GRIK4: variants seen among roughly 807,000 people sequenced by gnomAD.
The protein encoded by GRIK4 is glutamate ionotropic receptor kainate type subunit 4, also known as glutamate receptor ionotropic, kainate 4.
GRIK4 carries 40 observed loss-of-function variants against 104.9 expected under a neutral mutation model. The observed-to-expected ratio is 0.38, with a 90% confidence interval of 0.30 to 0.50. GRIK4 has a LOEUF of 0.50. GRIK4 is among the 20% of genes least tolerant of loss of function. The pLI is 0.93. For missense variants in GRIK4, 1,047 were observed against 1,308.1 expected, an observed-to-expected ratio of 0.80 and a Z score of 3.08; for synonymous variants, 485 against 524.9, an observed-to-expected ratio of 0.92 and a Z score of 1.04.
chr11:120,522,519 C>T (rs1008525920), intron 1 of GRIK4, among the ~76,000 whole-genome samples: 1 of 152,074 alleles, frequency 6.6e-6, no homozygotes, highest in African/African-American at 2.4e-5. Context: ...CAGGGTTTCA[C>T]CATGTTGGCC....
At chr11:120,598,592 T>G (rs1364516078) in intron 1 of GRIK4, among the ~76,000 whole-genome samples, 2 of 152,238 alleles carry the variant, frequency 1.3e-5, no homozygotes, top group East Asian at 3.8e-4. Flanking sequence ...GCTCTGTGTT[T>G]GGCTAGATGG....
chr11:120,773,627 T>C (rs918033259), intron 3 of GRIK4, among the ~76,000 whole-genome samples: 3 of 152,158 alleles, frequency 2.0e-5, no homozygotes, highest in Admixed American at 2.0e-4. Context: ...CTTGGAACTG[T>C]GTTAGGCGAG....
At chr11:120,869,286 G>A (rs1954527854) in intron 9 of GRIK4, 1 of 152,448 alleles carries the variant, frequency 6.6e-6, no homozygotes. Flanking sequence ...GGTTTAGAAA[G>A]GGTCAGCTCT....
chr11:120,581,259 A>C (rs1591711516), intron 1 of GRIK4, among the ~76,000 whole-genome samples: 1 of 152,222 alleles, frequency 6.6e-6, no homozygotes. Flanking sequence ...GACCAAGTAT[A>C]CTTATGAAAA....
At chr11:120,920,527 G>T (rs1162676179) in intron 13 of GRIK4, among the ~76,000 whole-genome samples, 3 of 152,154 alleles carry the variant, frequency 2.0e-5, no homozygotes, top group Non-Finnish European at 4.4e-5. Context: ...AACACAGAGT[G>T]CACATGTGTC....
chr11:120,818,182 G>A (rs1953010262), intron 5 of GRIK4, among the ~76,000 whole-genome samples: 1 of 152,206 alleles, frequency 6.6e-6, no homozygotes, highest in Non-Finnish European at 1.5e-5. Flanking sequence ...GTGCTAAGGG[G>A]TTGTGCTCTA....
At chr11:120,924,638 C>G (rs950914144) in intron 13 of GRIK4, among the ~76,000 whole-genome samples, 2 of 152,062 alleles carry the variant, frequency 1.3e-5, no homozygotes, top group Admixed American at 1.3e-4. Flanking sequence ...AACCATTATT[C>G]CAAATTTAAC....
intron 3 of GRIK4, among the ~76,000 whole-genome samples, chr11:120,666,088 T>C (rs889434818): frequency 1.3e-5 from 2 of 152,244 alleles, no homozygotes; most frequent in Non-Finnish European, 2.9e-5. Context: ...AATTGGTGAA[T>C]GCCCTTTTGG....
chr11:120,583,038 A>G (rs570397637), intron 1 of GRIK4, among the ~76,000 whole-genome samples: 16 of 152,222 alleles, frequency 1.1e-4, no homozygotes, highest in Non-Finnish European at 2.2e-4. Flanking sequence ...TTACTTTTTA[A>G]TGGCCATTCA....
chr11:120,951,604 G>A (rs1359620435), intron 14 of GRIK4, among the ~76,000 whole-genome samples: 1 of 152,160 alleles, frequency 6.6e-6, no homozygotes, highest in East Asian at 1.9e-4. Flanking sequence ...TGGATTTCTG[G>A]CATCATAGAA....
intron 1 of GRIK4, among the ~76,000 whole-genome samples, chr11:120,539,310 C>G (rs1222561210): frequency 6.6e-6 from 1 of 152,110 alleles, no homozygotes; most frequent in Non-Finnish European, 1.5e-5. Context: ...ACAGGTCTGG[C>G]AAATCCCAGG....
chr11:120,680,877 C>T (rs10892611), intron 3 of GRIK4, among the ~76,000 whole-genome samples: 19,539 of 152,154 alleles, frequency 0.13, 1,365 homozygotes, highest in South Asian at 0.23. Flanking sequence ...CCCTCTTCTC[C>T]CTGTAACACT....
At chr11:120,660,972 G>A (rs111892937) in intron 3 of GRIK4, among the ~76,000 whole-genome samples, 3 of 152,282 alleles carry the variant, frequency 2.0e-5, no homozygotes, top group African/African-American at 7.2e-5. Context: ...GTGTGGGCAG[G>A]CGGGCTTCCA....
chr11:120,726,923 T>G (rs918164905), intron 3 of GRIK4, among the ~76,000 whole-genome samples: 1 of 152,002 alleles, frequency 6.6e-6, no homozygotes, highest in African/African-American at 2.4e-5. Flanking sequence ...TAAAACTAGG[T>G]GACGGGAGTA....
intron 1 of GRIK4, among the ~76,000 whole-genome samples, chr11:120,613,591 C>T (rs1263738695): frequency 2.6e-5 from 4 of 152,218 alleles, no homozygotes; most frequent in Non-Finnish European, 4.4e-5. Flanking sequence ...TTCTTGCTCC[C>T]TTGAAAGGTG....
chr11:120,694,314 G>A (rs12292552), intron 3 of GRIK4, among the ~76,000 whole-genome samples: 12,528 of 152,194 alleles, frequency 0.082, 573 homozygotes, highest in South Asian at 0.11. Flanking sequence ...CATATCCTGC[G>A]ACCTAAGACA....
intron 3 of GRIK4, among the ~76,000 whole-genome samples, chr11:120,727,314 A>C (rs1951047657): frequency 6.6e-6 from 1 of 152,238 alleles, no homozygotes; most frequent in African/African-American, 2.4e-5. Context: ...GAGGAAAATA[A>C]AGACTAAACA....
chr11:120,776,916 A>G (rs1414760421), intron 3 of GRIK4, among the ~76,000 whole-genome samples: 5 of 152,168 alleles, frequency 3.3e-5, no homozygotes, highest in Admixed American at 1.3e-4. Flanking sequence ...CAGTTTCAGA[A>G]GCAACATCCC....
intron 3 of GRIK4, among the ~76,000 whole-genome samples, chr11:120,761,862 T>A (rs1360654793): frequency 2.6e-5 from 4 of 152,210 alleles, no homozygotes; most frequent in African/African-American, 9.7e-5. Flanking sequence ...CCTTGTAGCA[T>A]AGTTTGAAGT....
Sources: allele counts gnomAD v4.1 joint callset (sites outside exome capture counted in the v4.1 genomes callset), GRCh38; gene constraint gnomAD v4.1.1; transcripts MANE v1.5; gene names NCBI Gene and HGNC (gene_info 2026-07-23, HGNC 2026-07-21).